Variants in LRFN2 observed in about 807,000 individuals in gnomAD.
The protein encoded by LRFN2 is leucine-rich repeat and fibronectin type-III domain-containing protein 2.
Under a neutral mutation model 37.3 loss-of-function variants are expected in LRFN2, and 18 were observed. That is an observed-to-expected ratio of 0.48 (90% CI 0.33 to 0.72). The LOEUF (loss-of-function observed/expected upper bound fraction) is 0.72. Among genes scored for constraint, LRFN2 ranks in the 30% least tolerant of loss-of-function variants. The pLI is 0.02. For missense variants in LRFN2, 1,006 were observed against 1,060.7 expected, an observed-to-expected ratio of 0.95 and a Z score of 0.72; for synonymous variants, 556 against 466.6, an observed-to-expected ratio of 1.19 and a Z score of -2.47.
intron 1 of LRFN2, among the ~76,000 whole-genome samples, chr6:40,470,455 T>C (rs114495991): frequency 0.014 from 2,059 of 152,130 alleles, 58 homozygotes; most frequent in African/African-American, 0.046. Flanking sequence ...ACTAAAAATA[T>C]AAAAATCAGC....
chr6:40,502,670 C>T (rs1765417302), intron 1 of LRFN2, among the ~76,000 whole-genome samples: 1 of 152,224 alleles, frequency 6.6e-6, no homozygotes, highest in South Asian at 2.1e-4. Context: ...ACTCTCCTGT[C>T]TCCCAGAGCC....
intron 1 of LRFN2, among the ~76,000 whole-genome samples, chr6:40,490,977 T>C (rs1335585749): frequency 6.6e-6 from 1 of 152,090 alleles, no homozygotes; most frequent in Non-Finnish European, 1.5e-5. Context: ...GTGCATGGTG[T>C]GCAGGAGGGA....
At chr6:40,445,327 T>G (rs565792786) in intron 1 of LRFN2, among the ~76,000 whole-genome samples, 2 of 152,216 alleles carry the variant, frequency 1.3e-5, no homozygotes, top group Non-Finnish European at 2.9e-5. Context: ...CAATAACTTA[T>G]GACAAAAGGC....
chr6:40,446,856 G>T (rs1444298108), intron 1 of LRFN2, among the ~76,000 whole-genome samples: 1 of 134,550 alleles, frequency 7.4e-6, no homozygotes, highest in African/African-American at 2.6e-5. Flanking sequence ...GCTCCCTGAT[G>T]ATGGGGCTGT....
chr6:40,469,523 C>G lies in LRFN2; in HGVS notation c.-18-36392G>C, dbSNP rs142837901. On this transcript the variant is annotated intron_variant, in intron 1 of 2. Transcript: ENST00000338305. ...ATGCAAGGCAGCCTCCACCCCATGT[C>G]TGATTCTGGAGAGTCATCCCATAAT... 8.4e-3 allele frequency among the ~76,000 whole-genome samples: 1,285 copies of G among 152,290 alleles called. 20 individuals carry two copies. The highest frequency in any genetic ancestry group is 0.029 in the African/African-American group (1,206 of 41,548).
At chr6:40,536,375 A>G (rs184491086) in intron 1 of LRFN2, among the ~76,000 whole-genome samples, 1 of 152,348 alleles carries the variant, frequency 6.6e-6, no homozygotes, top group Admixed American at 6.5e-5. Flanking sequence ...GAGAAGAGTC[A>G]AAGTCACTGC....
chr6:40,435,084 G>GAGAGAC (rs1554134666), intron 1 of LRFN2, among the ~76,000 whole-genome samples: 6 of 131,652 alleles, frequency 4.6e-5, no homozygotes, highest in South Asian at 2.5e-4. Flanking sequence ...GAGAGAGAGA[G>GAGAGAC]AGAGAGACAG....
intron 1 of LRFN2, among the ~76,000 whole-genome samples, chr6:40,559,329 G>A (rs73732757): frequency 0.023 from 3,514 of 152,236 alleles, 152 homozygotes; most frequent in African/African-American, 0.078. Context: ...GTCTATTGCC[G>A]GATGCCACTG....
chr6:40,538,653 C>T (rs182768728), intron 1 of LRFN2, among the ~76,000 whole-genome samples: 8 of 152,246 alleles, frequency 5.3e-5, no homozygotes, highest in Non-Finnish European at 8.8e-5. Context: ...GGCACCTCCC[C>T]GGGGCTATCC....
chr6:40,438,096 A>AAGGAGC (rs1395526375), intron 1 of LRFN2, among the ~76,000 whole-genome samples: 2 of 152,174 alleles, frequency 1.3e-5, no homozygotes, highest in Non-Finnish European at 2.9e-5. Context: ...TCCATCTGCA[A>AAGGAGC]AGGAGCGAGA....
At chr6:40,449,367 C>T (rs962288895) in intron 1 of LRFN2, among the ~76,000 whole-genome samples, 4 of 152,174 alleles carry the variant, frequency 2.6e-5, no homozygotes, top group Non-Finnish European at 4.4e-5. Flanking sequence ...AAGGCCACCC[C>T]CAAATAAAGA....
chr6:40,568,631 A>G (rs182321640), intron 1 of LRFN2, among the ~76,000 whole-genome samples: 162 of 152,286 alleles, frequency 1.1e-3, no homozygotes, highest in Non-Finnish European at 2.2e-3. Context: ...CAGATGGCCA[A>G]TTCAAACCTG....
rs115446502 is a variant in LRFN2, at chr6:40,451,367, T to C, written c.-18-18236A>G. ...CTACTCCATGAAGAGAGGCTGGAGG[T>C]TTCTAGATGTGGTTCTTCCTGCACA... On this transcript the variant is annotated intron_variant, in intron 1 of 2. Transcript: ENST00000338305. Among the ~76,000 whole-genome samples the C allele has an allele frequency of 6.1e-3, 932 of 152,058 alleles. 11 individuals are homozygous for C. Among genetic ancestry groups the C allele is most frequent in the African/African-American group, 0.021 (872 of 41,460 alleles).
intron 1 of LRFN2, among the ~76,000 whole-genome samples, chr6:40,438,166 G>A (rs982587667): frequency 4.6e-5 from 7 of 152,186 alleles, no homozygotes; most frequent in Admixed American, 3.9e-4. Context: ...GGCAAAGAGA[G>A]GTAGATACAG....
At chr6:40,525,319 C>T (rs985344824) in intron 1 of LRFN2, among the ~76,000 whole-genome samples, 1 of 152,228 alleles carries the variant, frequency 6.6e-6, no homozygotes, top group Non-Finnish European at 1.5e-5. Flanking sequence ...ATTACAGCCT[C>T]TCAAGGGTGC....
intron 1 of LRFN2, among the ~76,000 whole-genome samples, chr6:40,554,200 G>A (rs994140721): frequency 3.9e-5 from 6 of 152,202 alleles, no homozygotes; most frequent in African/African-American, 1.2e-4. Context: ...GGAAGGTGCT[G>A]GTCAAGAACA....
chr6:40,498,828 C>G (rs1765300533), intron 1 of LRFN2, among the ~76,000 whole-genome samples: 1 of 152,106 alleles, frequency 6.6e-6, no homozygotes, highest in Admixed American at 6.5e-5. Flanking sequence ...CAGACTTATT[C>G]AACATATACA....
intron 1 of LRFN2, among the ~76,000 whole-genome samples, chr6:40,551,741 G>A (rs1766781412): frequency 6.6e-6 from 1 of 152,188 alleles, no homozygotes; most frequent in African/African-American, 2.4e-5. Flanking sequence ...TCATACACTA[G>A]CAGTGAACCT....
chr6:40,513,887 A>G (rs73734517), intron 1 of LRFN2, among the ~76,000 whole-genome samples: 4,182 of 151,888 alleles, frequency 0.028, 207 homozygotes, highest in African/African-American at 0.095. Context: ...TTCCGGCAGA[A>G]GGAGCAGTGT....
Sources: gnomAD v4.1 joint callset for allele counts (sites outside exome capture counted in the v4.1 genomes callset) on GRCh38, gnomAD v4.1.1 for gene constraint, MANE v1.5 for transcripts, NCBI Gene and HGNC (gene_info 2026-07-23, HGNC 2026-07-21) for gene names.